Variants in SPMAP2L observed in about 807,000 individuals in gnomAD.
The protein encoded by SPMAP2L is sperm microtubule associated protein 2-like.
chr4:56,543,170 G>A, the SPMAP2L span, among the ~76,000 whole-genome samples: 3 of 151,268 alleles, frequency 2.0e-5, no homozygotes, highest in South Asian at 2.1e-4. Flanking sequence ...TGAAAGCTCC[G>A]CCTCCCGGGT....
chr4:56,624,960 C>G, the SPMAP2L span, among the ~76,000 whole-genome samples: 1 of 152,146 alleles, frequency 6.6e-6, no homozygotes, highest in Admixed American at 6.5e-5. Flanking sequence ...GATCCACCAA[C>G]AGCTTGTACT....
chr4:56,614,110 A>T, the SPMAP2L span, among the ~76,000 whole-genome samples: 1 of 152,110 alleles, frequency 6.6e-6, no homozygotes, highest in Non-Finnish European at 1.5e-5. Flanking sequence ...CCGGTCTAGG[A>T]CTGGTCTTTC....
the SPMAP2L span, among the ~76,000 whole-genome samples, chr4:56,592,703 G>A: frequency 1.1e-3 from 168 of 152,138 alleles, no homozygotes; most frequent in African/African-American, 3.9e-3. Context: ...GGGCCGCGGG[G>A]TCGGGGGCGG....
the SPMAP2L span, among the ~76,000 whole-genome samples, chr4:56,563,400 G>C: frequency 6.6e-6 from 1 of 151,626 alleles, no homozygotes. Flanking sequence ...CACAGTGCCT[G>C]ACCTGCTATT....
chr4:56,601,397 T>C, the SPMAP2L span, among the ~76,000 whole-genome samples: 3 of 152,106 alleles, frequency 2.0e-5, no homozygotes, highest in Non-Finnish European at 4.4e-5. Context: ...GGTGGGAGGA[T>C]AGCTTGAGGC....
the SPMAP2L span, among the ~76,000 whole-genome samples, chr4:56,585,727 G>A: frequency 1.5e-4 from 23 of 152,216 alleles, no homozygotes; most frequent in East Asian, 4.2e-3. Context: ...CAATCCTACT[G>A]CACTTATTTA....
At chr4:56,531,482 G>A in the SPMAP2L span, among the ~76,000 whole-genome samples, 14 of 152,220 alleles carry the variant, frequency 9.2e-5, no homozygotes, top group Admixed American at 9.2e-4. Flanking sequence ...TCTACAGTTA[G>A]TCATTGCATC....
At chr4:56,573,778 T>C in the SPMAP2L span, among the ~76,000 whole-genome samples, 4 of 152,090 alleles carry the variant, frequency 2.6e-5, no homozygotes, top group Non-Finnish European at 5.9e-5. Flanking sequence ...CTGGGCAGCC[T>C]CCAGCCCCCT....
At chr4:56,583,668 A>C in the SPMAP2L span, among the ~76,000 whole-genome samples, 2 of 152,210 alleles carry the variant, frequency 1.3e-5, no homozygotes, top group East Asian at 3.9e-4. Flanking sequence ...TATGACCAGC[A>C]CTATCTCAAA....
chr4:56,545,854 A>G, the SPMAP2L span, among the ~76,000 whole-genome samples: 1 of 152,046 alleles, frequency 6.6e-6, no homozygotes, highest in Non-Finnish European at 1.5e-5. Context: ...GTGCAATGGC[A>G]TGATCTCGGC....
chr4:56,553,037 C>T, the SPMAP2L span, among the ~76,000 whole-genome samples: 1 of 152,102 alleles, frequency 6.6e-6, no homozygotes, highest in Non-Finnish European at 1.5e-5. Flanking sequence ...ATCCTGATAC[C>T]TCTAAGCCTC....
chr4:56,590,951 G>T, the SPMAP2L span, among the ~76,000 whole-genome samples: 2 of 152,170 alleles, frequency 1.3e-5, no homozygotes, highest in African/African-American at 2.4e-5. Context: ...ATCTTACTGT[G>T]TAAACTTAAA....
At chr4:56,604,760 C>T in the SPMAP2L span, among the ~76,000 whole-genome samples, 2 of 152,116 alleles carry the variant, frequency 1.3e-5, no homozygotes, top group East Asian at 3.9e-4. Context: ...CCTAAATGCC[C>T]ATCAACCAAC....
At chr4:56,559,353 A>AG in the SPMAP2L span, 1 of 1,228,802 alleles carries the variant, frequency 8.1e-7, no homozygotes, top group Non-Finnish European at 1.0e-6. Flanking sequence ...ACTAGCAATC[A>AG]ATTTTTTTTT....
chr4:56,593,325 T>C, the SPMAP2L span: 1 of 1,129,902 alleles, frequency 8.9e-7, no homozygotes, highest in East Asian at 2.3e-5. Flanking sequence ...TTGACCCCCA[T>C]TGCCACCCAC....
At chr4:56,600,441 G>A in the SPMAP2L span, among the ~76,000 whole-genome samples, 1,603 of 151,962 alleles carry the variant, frequency 0.011, 27 homozygotes, top group African/African-American at 0.036. Flanking sequence ...TTACAGGCAC[G>A]GGCCACCAAG....
chr4:56,593,575 A>G, the SPMAP2L span: 2 of 1,602,982 alleles, frequency 1.2e-6, no homozygotes, highest in East Asian at 4.5e-5. Flanking sequence ...GGCCACCGGG[A>G]GAATTTGGGG....
the SPMAP2L span, chr4:56,530,777 C>T: frequency 1.3e-6 from 2 of 1,535,350 alleles, no homozygotes; most frequent in Non-Finnish European, 8.7e-7. Flanking sequence ...TTCCAGAAGC[C>T]CATTGTGCTC....
At chr4:56,530,887 G>C in the SPMAP2L span, 1 of 1,534,846 alleles carries the variant, frequency 6.5e-7, no homozygotes, top group Non-Finnish European at 8.7e-7. Flanking sequence ...AGACCAGAGA[G>C]ACGAGTCCGA....
Sources: gnomAD v4.1 joint callset for allele counts (sites outside exome capture counted in the v4.1 genomes callset) on GRCh38, gnomAD v4.1.1 for gene constraint, MANE v1.5 for transcripts, NCBI Gene and HGNC (gene_info 2026-07-23, HGNC 2026-07-21) for gene names.